TENM1: variants seen among roughly 807,000 people sequenced by gnomAD.
TENM1 encodes teneurin transmembrane protein 1, also known as teneurin-1.
TENM1 carries 35 observed loss-of-function variants against 174.8 expected under a neutral mutation model. The observed-to-expected ratio is 0.20, with a 90% CI of 0.15 to 0.27. TENM1 has a LOEUF of 0.27. Ranked by LOEUF, TENM1 falls within the 10% of genes least tolerant of loss-of-function variation. The pLI, the probability that TENM1 is intolerant of heterozygous loss-of-function variation, is 1.00. For missense variants in TENM1, 1,633 were observed against 2,130.1 expected (o/e 0.77, Z 4.59); for synonymous variants, 781 against 798.7 (o/e 0.98, Z 0.37).
intron 4 of TENM1, among the ~76,000 whole-genome samples, chrX:124,723,603 G>GT (rs1198093791): frequency 0.075 from 5,606 of 74,776 alleles, 234 homozygotes; most frequent in Non-Finnish European, 0.1. Context: ...TTTTTTTTTT[G>GT]TTTTTTTTTT....
At chrX:124,452,984 C>T (rs749576521) in intron 23 of TENM1, among the ~76,000 whole-genome samples, 20 of 110,595 alleles carry the variant, frequency 1.8e-4, no homozygotes, top group Non-Finnish European at 3.2e-4. Context: ...ACATTGTGCA[C>T]ATGTACCCTA....
At chrX:124,580,785 T>C (rs111712301) in intron 11 of TENM1, among the ~76,000 whole-genome samples, 28 of 110,919 alleles carry the variant, frequency 2.5e-4, no homozygotes, top group Non-Finnish European at 4.1e-4. Context: ...CTAAGTACAT[T>C]GCATAATGCC....
At chrX:124,791,990 A>C (rs1261210882) in intron 3 of TENM1, among the ~76,000 whole-genome samples, 3 of 110,778 alleles carry the variant, frequency 2.7e-5, no homozygotes, top group Non-Finnish European at 5.7e-5. Context: ...GAAGGATTTT[A>C]TTTCTTTCAG....
chrX:124,665,787 G>A lies in TENM1; in HGVS notation c.1168+5896C>T, dbSNP rs56994167. 8.5e-3 allele frequency among the ~76,000 whole-genome samples: 950 copies of A among 112,233 alleles called. 9 individuals are homozygous for A. The highest frequency in any genetic ancestry group is 0.026 in the African/African-American group (802 of 30,912). On this transcript the variant is annotated intron_variant, in intron 6 of 31. Coordinates refer to ENST00000422452, the Ensembl canonical transcript of TENM1. ...CAAATAAAGCAAAGAGGAAGGGAAC[G>A]GGAGTTTTGCCAGGAATCTGCCCCC...
At chrX:124,546,703 G>GT (rs2048438069) in intron 15 of TENM1, among the ~76,000 whole-genome samples, 171 bp downstream of exon 18, 1 of 111,443 alleles carries the variant, frequency 9.0e-6, no homozygotes, top group East Asian at 2.8e-4. Flanking sequence ...CTAGAAATGA[G>GT]TTTTTTCCTT....
chrX:124,979,929 A>T, the TENM1 span, among the ~76,000 whole-genome samples: 1 of 111,977 alleles, frequency 8.9e-6, no homozygotes, highest in Non-Finnish European at 1.9e-5. Flanking sequence ...GGAAATGGGA[A>T]TGTACAGGAT....
chrX:124,827,136 C>T (rs1322154435), intron 3 of TENM1, among the ~76,000 whole-genome samples: 2 of 111,430 alleles, frequency 1.8e-5, no homozygotes, highest in Non-Finnish European at 3.8e-5. Context: ...CTGCAGCCTC[C>T]GCCTCCCTGG....
intron 23 of TENM1, among the ~76,000 whole-genome samples, chrX:124,429,922 C>T (rs371166905): frequency 2.7e-5 from 3 of 111,972 alleles, no homozygotes; most frequent in Admixed American, 9.4e-5. Flanking sequence ...TGAGAATCAC[C>T]GCATTAAGTC....
intron 22 of TENM1, among the ~76,000 whole-genome samples, chrX:124,472,330 TAAAAAAAAAAAAA>T (rs34695864): frequency 5.4e-5 from 1 of 18,680 alleles, no homozygotes; most frequent in Admixed American, 8.4e-4. Context: ...ATGCTTGACG[TAAAAAAAAAAAAA>T]AAAAAAAAAA....
chrX:124,787,698 T>C (rs1473743642), intron 3 of TENM1, among the ~76,000 whole-genome samples: 1 of 112,420 alleles, frequency 8.9e-6, no homozygotes, highest in East Asian at 2.8e-4. Flanking sequence ...TATAAGCTCT[T>C]AATATTATCT....
the TENM1 span, among the ~76,000 whole-genome samples, chrX:125,027,229 A>G: frequency 8.9e-6 from 1 of 112,094 alleles, no homozygotes; most frequent in African/African-American, 3.2e-5. Context: ...AAGAAAATCA[A>G]TGTACTAAAA....
rs186897625 is a variant in TENM1, at chrX:124,444,406, T to C, written c.4104+8931A>G. Reference sequence around the variant, plus strand: ...TACATCACATCATATGTCAAATGTGTGATACAGCTGTGAAAAAATCCCGGT... The same window carrying C: ...TACATCACATCATATGTCAAATGTGCGATACAGCTGTGAAAAAATCCCGGT... On this transcript the variant is annotated intron_variant, in intron 23 of 31. Coordinates refer to ENST00000422452, the Ensembl canonical transcript of TENM1. 6.5e-3 allele frequency among the ~76,000 whole-genome samples: 727 copies of C among 112,004 alleles called. 4 individuals carry two copies. The highest frequency in any genetic ancestry group is 0.022 in the African/African-American group (676 of 30,836).
intron 3 of TENM1, among the ~76,000 whole-genome samples, chrX:124,875,549 C>T (rs775096799): frequency 2.7e-5 from 3 of 109,386 alleles, no homozygotes; most frequent in Admixed American, 9.9e-5. Context: ...TTAATTAGAG[C>T]GGATATCCTT....
chrX:124,829,850 A>T, intron 3 of TENM1, among the ~76,000 whole-genome samples: 1 of 111,987 alleles, frequency 8.9e-6, no homozygotes. Context: ...TTCATCACAA[A>T]CCCTATCTAC....
intron 3 of TENM1, among the ~76,000 whole-genome samples, chrX:124,794,831 T>C (rs769412817): frequency 9.0e-6 from 1 of 111,235 alleles, no homozygotes; most frequent in Non-Finnish European, 1.9e-5. Flanking sequence ...TCTATCACAT[T>C]TTTGACACAC....
the TENM1 span, among the ~76,000 whole-genome samples, chrX:125,005,530 G>T: frequency 9.2e-6 from 1 of 108,771 alleles, no homozygotes; most frequent in African/African-American, 3.3e-5. Context: ...TGCTCTACAT[G>T]TTCAAGAAAA....
chrX:124,563,142 T>G (rs931489252), intron 13 of TENM1, among the ~76,000 whole-genome samples: 5 of 110,601 alleles, frequency 4.5e-5, no homozygotes, highest in Non-Finnish European at 9.5e-5. Context: ...AAGAATAATT[T>G]GGGACATATT....
chrX:124,591,271 G>C (rs2049734712), intron 11 of TENM1, among the ~76,000 whole-genome samples: 1 of 111,445 alleles, frequency 9.0e-6, no homozygotes, highest in Non-Finnish European at 1.9e-5. Flanking sequence ...ATCCTATCCT[G>C]AAGTTGTTAA....
At chrX:124,565,496 T>C in exon 12 of TENM1, 1 of 1,210,012 alleles carries the variant, frequency 8.3e-7, no homozygotes, top group South Asian at 1.8e-5. Flanking sequence ...CTACCCAGCC[T>C]TCTTCACACT....
Sources: gnomAD v4.1 joint callset for allele counts (sites outside exome capture counted in the v4.1 genomes callset) on GRCh38, gnomAD v4.1.1 for gene constraint, MANE v1.5 for transcripts, NCBI Gene and HGNC (gene_info 2026-07-23, HGNC 2026-07-21) for gene names.